Variants in FCHO2 observed in about 807,000 individuals in gnomAD.
FCHO2 encodes the protein F-BAR domain only protein 2.
Under a neutral mutation model 114.1 loss-of-function variants are expected in FCHO2, and 43 were observed. The ratio of observed to expected loss-of-function variants is 0.38; its 90% CI spans 0.30 to 0.49. The LOEUF (loss-of-function observed/expected upper bound fraction) is 0.49. FCHO2 is among the 20% of genes least tolerant of loss of function. The pLI, the probability that FCHO2 is intolerant of heterozygous loss-of-function variation, is 0.97. For synonymous variants in FCHO2, 293 were observed against 315.2 expected, an observed-to-expected ratio of 0.93 and a Z score of 0.75; for missense variants, 807 against 950.4, an observed-to-expected ratio of 0.85 and a Z score of 1.98.
At chr5:73,055,376 C>T (rs751987379) in intron 15 of FCHO2, among the ~76,000 whole-genome samples, 24 of 152,128 alleles carry the variant, frequency 1.6e-4, no homozygotes, top group Non-Finnish European at 3.1e-4. Flanking sequence ...TGATACTCCT[C>T]CATAGTTTGT....
chr5:73,006,098 C>G (rs1214089585), intron 5 of FCHO2, among the ~76,000 whole-genome samples: 1 of 149,228 alleles, frequency 6.7e-6, no homozygotes, highest in African/African-American at 2.4e-5. Flanking sequence ...TGTATATTGT[C>G]TGGAAGTTTC....
intron 19 of FCHO2, among the ~76,000 whole-genome samples, 176 bp from the exon 20 acceptor site, chr5:73,074,566 T>C (rs1742821504): frequency 6.6e-6 from 1 of 152,090 alleles, no homozygotes; most frequent in African/African-American, 2.4e-5. Context: ...TTGTCCTTTG[T>C]ATTAATGCTC....
intron 1 of FCHO2, among the ~76,000 whole-genome samples, chr5:72,966,439 T>TA (rs2112596829): frequency 6.6e-6 from 1 of 152,302 alleles, no homozygotes; most frequent in South Asian, 2.1e-4. Flanking sequence ...CACAAGCCTC[T>TA]GACAATAAAT....
intron 2 of FCHO2, among the ~76,000 whole-genome samples, chr5:72,976,599 GTTGT>G (rs1752897261): frequency 6.6e-6 from 1 of 151,802 alleles, no homozygotes; most frequent in Admixed American, 6.6e-5. Context: ...TTTTAATATG[GTTGT>G]TTGTGTTCTT....
intron 9 of FCHO2, among the ~76,000 whole-genome samples, chr5:73,036,519 G>A (rs980715308): frequency 2.0e-5 from 3 of 151,616 alleles, no homozygotes; most frequent in Non-Finnish European, 4.4e-5. Flanking sequence ...GACCACAGGC[G>A]CGCACCACCA....
At chr5:72,965,989 A>G (rs1391219961) in intron 1 of FCHO2, among the ~76,000 whole-genome samples, 1 of 152,184 alleles carries the variant, frequency 6.6e-6, no homozygotes, top group East Asian at 1.9e-4. Context: ...TTTTGAAAAA[A>G]AGGAAACTTG....
chr5:73,036,909 T>G (rs1756539658), intron 9 of FCHO2, among the ~76,000 whole-genome samples: 1 of 152,174 alleles, frequency 6.6e-6, no homozygotes, highest in Non-Finnish European at 1.5e-5. Flanking sequence ...AAAGAAAATT[T>G]TATCTATAAA....
In FCHO2 at chr5:73,029,332, A is replaced by G. The variant is rs552830970; in HGVS notation, c.797-5325A>G. The stretch of plus-strand genomic sequence containing the variant: ...TATCAGGATCATGGAAGATGAAAAC[A>G]TGACTCAACCTTATGAGTATGGGGA... On this transcript the variant is annotated intron_variant, in intron 8 of 25. Coordinates refer to ENST00000430046, the MANE Select transcript of FCHO2 (RefSeq NM_138782.3). 2.8e-4 allele frequency among the ~76,000 whole-genome samples: 42 copies of G among 152,334 alleles called. No individual in the cohort carries two copies. In the South Asian group the frequency reaches 8.3e-3, roughly 30 times the overall value.
At chr5:73,076,683 A>G (rs541127990) in intron 20 of FCHO2, among the ~76,000 whole-genome samples, 8 of 152,298 alleles carry the variant, frequency 5.3e-5, no homozygotes, top group Non-Finnish European at 1.0e-4. Flanking sequence ...TAGATTTACT[A>G]GTGAGAGTAT....
chr5:73,005,551 T>C (rs928800363), intron 5 of FCHO2, among the ~76,000 whole-genome samples: 2 of 152,178 alleles, frequency 1.3e-5, no homozygotes, highest in African/African-American at 2.4e-5. Context: ...CTTTCTTTGA[T>C]CTCCTTTAAA....
chr5:73,015,297 C>G (rs1755247817), intron 6 of FCHO2, among the ~76,000 whole-genome samples: 1 of 150,962 alleles, frequency 6.6e-6, no homozygotes, highest in Non-Finnish European at 1.5e-5. Context: ...GAGTCTCGCT[C>G]TGTCGCCCAG....
intron 3 of FCHO2, among the ~76,000 whole-genome samples, chr5:72,990,057 G>C (rs112540466): frequency 0.017 from 2,518 of 151,898 alleles, 70 homozygotes; most frequent in African/African-American, 0.052. Flanking sequence ...TAAAAATTGG[G>C]CTTTTGCATG....
intron 5 of FCHO2, among the ~76,000 whole-genome samples, chr5:72,991,402 C>T (rs1753804640): frequency 6.6e-6 from 1 of 152,152 alleles, no homozygotes; most frequent in African/African-American, 2.4e-5. Context: ...GACACATTTT[C>T]AGGATATTTT....
intron 15 of FCHO2, among the ~76,000 whole-genome samples, chr5:73,054,768 AT>A (rs1293723895): frequency 6.6e-6 from 1 of 152,148 alleles, no homozygotes; most frequent in East Asian, 1.9e-4. Context: ...TGGCTACAAC[AT>A]TTTTCAGAAA....
intron 1 of FCHO2, among the ~76,000 whole-genome samples, chr5:72,959,238 G>C (rs568316732): frequency 6.6e-6 from 1 of 152,322 alleles, no homozygotes; most frequent in South Asian, 2.1e-4. Context: ...TGGGCATGGT[G>C]GTTCACTCCT....
At chr5:73,040,275 C>T (rs1005311143) in intron 10 of FCHO2, among the ~76,000 whole-genome samples, 1 of 152,062 alleles carries the variant, frequency 6.6e-6, no homozygotes, top group African/African-American at 2.4e-5. Context: ...TTGAGTATTC[C>T]TAAACCGAAA....
At chr5:73,010,987 T>C (rs576607351) in intron 6 of FCHO2, among the ~76,000 whole-genome samples, 1 of 151,432 alleles carries the variant, frequency 6.6e-6, no homozygotes, top group African/African-American at 2.4e-5. Flanking sequence ...GCTTGTAAGC[T>C]ACAAACCTGT....
At chr5:73,080,460 G>A (rs1044382860) in intron 22 of FCHO2, among the ~76,000 whole-genome samples, 15 of 152,172 alleles carry the variant, frequency 9.9e-5, no homozygotes, top group Admixed American at 3.9e-4. Flanking sequence ...GATATTCGCT[G>A]TAGCATTGTT....
At chr5:73,045,580 G>A (rs190908715) in intron 11 of FCHO2, among the ~76,000 whole-genome samples, 129 of 152,142 alleles carry the variant, frequency 8.5e-4, no homozygotes, top group Non-Finnish European at 1.5e-3. Flanking sequence ...ACAGGTTTTT[G>A]TGTGGACATA....
Sources: allele counts gnomAD v4.1 joint callset (sites outside exome capture counted in the v4.1 genomes callset), GRCh38; gene constraint gnomAD v4.1.1; transcripts MANE v1.5; gene names NCBI Gene and HGNC (gene_info 2026-07-23, HGNC 2026-07-21).